The following DTNA variants were observed in gnomAD, a reference collection of about 807,000 sequenced individuals.
DTNA encodes the protein dystrobrevin alpha.
A neutral mutation model predicts 100.7 loss-of-function variants in DTNA; 43 were observed. That is an observed-to-expected ratio of 0.43 (90% CI 0.33 to 0.55). The LOEUF is 0.55. Ranked by LOEUF, DTNA falls within the 20% of genes least tolerant of loss-of-function variation. DTNA has a pLI of 0.04. For missense variants in DTNA, 798 were observed against 953.9 expected (o/e 0.84, Z 2.15); for synonymous variants, 349 against 347.9 (o/e 1.00, Z -0.04).
rs767044559 is a variant in DTNA at position 34,755,987 on chromosome 18, A to G, written c.11A>G (p.Asp4Gly). The change falls in exon 2 of 23, where the codon GAT becomes GGT. Residue 4 changes from aspartate to glycine, a missense_variant. Around this residue, in one of 6 missense-constraint regions of DTNA, gnomAD observed 197 missense variants for 215.4 expected, o/e 0.91. Transcript: ENST00000444659. ...ATTTTGTCTCATAGAATGATTGAAG[A>G]TAGTGGGAAAAGAGGAAATACCATG... MIE[D>G]SGKRGNTMAE... The G allele has an allele frequency of 1.9e-6, 3 of 1,613,336 alleles. No individual in the cohort carries two copies. Among genetic ancestry groups the G allele is most frequent in the Non-Finnish European group, 8.5e-7 (1 of 1,179,512 alleles).
chr18:34,580,745 G>A (rs1212378696), intron 1 of DTNA, among the ~76,000 whole-genome samples: 1 of 152,080 alleles, frequency 6.6e-6, no homozygotes, highest in African/African-American at 2.4e-5. Flanking sequence ...TTCACTTCTG[G>A]AGAACTGCTA....
intron 3 of DTNA, among the ~76,000 whole-genome samples, chr18:34,781,256 T>A (rs903704036): frequency 2.0e-5 from 3 of 152,196 alleles, no homozygotes; most frequent in Admixed American, 6.5e-5. Context: ...AAATTTTGTT[T>A]TAATTGAAAA....
intron 1 of DTNA, among the ~76,000 whole-genome samples, chr18:34,547,687 A>G (rs2044949030): frequency 6.6e-6 from 1 of 152,190 alleles, no homozygotes; most frequent in Non-Finnish European, 1.5e-5. Context: ...AAACCTGTTT[A>G]CATAAACTGC....
At chr18:34,761,719 GT>G (rs1169924544) in intron 2 of DTNA, among the ~76,000 whole-genome samples, 1 of 152,124 alleles carries the variant, frequency 6.6e-6, no homozygotes, top group African/African-American at 2.4e-5. Context: ...ATTTGTTTTA[GT>G]TTTTTTATTA....
intron 1 of DTNA, among the ~76,000 whole-genome samples, chr18:34,612,762 A>G (rs1449827962): frequency 6.6e-6 from 1 of 152,156 alleles, no homozygotes; most frequent in Non-Finnish European, 1.5e-5. Context: ...TTTCCCCACC[A>G]ATGTGCCTTG....
upstream of DTNA, among the ~76,000 whole-genome samples, chr18:34,708,837 T>A (rs530964271): frequency 2.1e-4 from 32 of 152,354 alleles, no homozygotes; most frequent in African/African-American, 7.2e-4. Flanking sequence ...GCTTGGTGCT[T>A]CCCTTGGACT....
chr18:34,546,713 C>T (rs2044816557), intron 1 of DTNA, among the ~76,000 whole-genome samples: 3 of 151,968 alleles, frequency 2.0e-5, no homozygotes, highest in African/African-American at 7.2e-5. Context: ...GGAAGCCACC[C>T]AGTAATTACC....
At chr18:34,591,070 A>G (rs9807472) in intron 1 of DTNA, among the ~76,000 whole-genome samples, 15,652 of 152,176 alleles carry the variant, frequency 0.1, 1,166 homozygotes, top group African/African-American at 0.21. Context: ...AAATTATTAT[A>G]GTTTACTCAT....
At chr18:34,868,841 T>G (rs1043619148) in intron 17 of DTNA, 4 of 885,354 alleles carry the variant, frequency 4.5e-6, no homozygotes, top group Admixed American at 6.2e-5. Flanking sequence ...CTTTCTTCTT[T>G]GTGTATCTTT....
At chr18:34,770,594 G>A (rs1000479582) in intron 3 of DTNA, among the ~76,000 whole-genome samples, 3 of 151,970 alleles carry the variant, frequency 2.0e-5, no homozygotes, top group African/African-American at 7.2e-5. Context: ...GTCAGTTCCC[G>A]GGATTCTAAA....
At chr18:34,509,413 C>T (rs1023850922) in intron 1 of DTNA, among the ~76,000 whole-genome samples, 13 of 152,072 alleles carry the variant, frequency 8.5e-5, no homozygotes, top group African/African-American at 2.9e-4. Flanking sequence ...AGATTTTCCC[C>T]TACTGTGTTC....
chr18:34,511,042 A>G (rs189300301), intron 1 of DTNA, among the ~76,000 whole-genome samples: 1 of 152,160 alleles, frequency 6.6e-6, no homozygotes, highest in East Asian at 1.9e-4. Context: ...TAAATTCAGA[A>G]CCCAGATCCT....
chr18:34,841,183 A>G (rs2096261713), intron 13 of DTNA, among the ~76,000 whole-genome samples: 1 of 152,140 alleles, frequency 6.6e-6, no homozygotes, highest in Non-Finnish European at 1.5e-5. Context: ...TCCCACAGCT[A>G]TAAAAAGTGG....
chr18:34,749,955 A>G (rs1364775351), intron 1 of DTNA, among the ~76,000 whole-genome samples: 1 of 152,202 alleles, frequency 6.6e-6, no homozygotes, highest in South Asian at 2.1e-4. Context: ...GGAAACAGGC[A>G]TTTATATGCC....
At chr18:34,665,971 A>G (rs1373340238) in intron 1 of DTNA, among the ~76,000 whole-genome samples, 2 of 152,168 alleles carry the variant, frequency 1.3e-5, no homozygotes, top group African/African-American at 4.8e-5. Context: ...TGGTATTTCT[A>G]GCTCTAGATC....
intron 1 of DTNA, among the ~76,000 whole-genome samples, chr18:34,748,339 T>C (rs1002989417): frequency 1.3e-5 from 2 of 152,212 alleles, no homozygotes; most frequent in African/African-American, 4.8e-5. Flanking sequence ...ATTTTTGTTC[T>C]TGTCACATTT....
Position 34,649,028 on chromosome 18 carries a change from T to C in DTNA, c.-1-106948T>C, listed in dbSNP as rs2060154042. On this transcript the variant is annotated intron_variant, in intron 1 of 19. Transcript: ENST00000283365. ...TTCTAATAGTGTTAATTGAAGCCAG[T>C]GTTCTGCTCTTTCGGAGACCATTCT... Among the ~76,000 whole-genome samples the C allele has an allele frequency of 2.0e-5, 3 of 152,356 alleles. No homozygotes were observed. In the South Asian group the frequency reaches 6.2e-4, roughly 32 times the overall value.
At chr18:34,538,004 A>T (rs1398798304) in intron 1 of DTNA, among the ~76,000 whole-genome samples, 1 of 152,078 alleles carries the variant, frequency 6.6e-6, no homozygotes, top group Non-Finnish European at 1.5e-5. Context: ...AATATATTTT[A>T]AAAATAAGTG....
At position 34,888,115 on chromosome 18, in the gene DTNA, C is replaced by T. The variant is rs1169622056; in HGVS notation, c.*381C>T. 5.1e-6 allele frequency: 5 copies of T among 985,864 alleles called. No homozygotes were observed. The East Asian group carries it at 3.4e-4, about 67-fold the overall frequency. The allele number at this position is 985,864 out of a possible 1,614,324, so 61.1% of individuals were successfully genotyped here. A position where few individuals can be genotyped will look rare whatever the true frequency, so the allele number is the denominator to read the frequency against. ...GCTGAAAACCCATGCTGCTGTTATA[C>T]ACAATGGCAGTATTAACAAGCATTT... On this transcript the variant is annotated 3_prime_UTR_variant, in exon 23 of 23. Transcript: ENST00000444659.
Sources: gnomAD v4.1 joint callset for allele counts (sites outside exome capture counted in the v4.1 genomes callset) on GRCh38, gnomAD v4.1.1 for gene constraint, gnomAD v4.1.1 regional missense constraint, MANE v1.5 for transcripts, NCBI Gene and HGNC (gene_info 2026-07-23, HGNC 2026-07-21) for gene names.